PAQR5: variants seen among roughly 807,000 people sequenced by gnomAD.
PAQR5 encodes membrane progestin receptor gamma.
In PAQR5, 20 loss-of-function variants were observed where a neutral mutation model predicts 34.5. That is an observed-to-expected ratio of 0.58 (90% confidence interval 0.41 to 0.84). The LOEUF (loss-of-function observed/expected upper bound fraction) is 0.84. Ranked by LOEUF, PAQR5 falls within the 40% of genes least tolerant of loss-of-function variation. PAQR5 has a pLI of 0.00. For synonymous variants in PAQR5, 131 were observed against 155.6 expected (o/e 0.84, Z 1.18); for missense variants, 378 against 412.7 (o/e 0.92, Z 0.73).
intron 6 of PAQR5, among the ~76,000 whole-genome samples, chr15:69,394,673 CCTTAGCCCT>C (rs1408912895): frequency 6.6e-6 from 1 of 152,200 alleles, no homozygotes; most frequent in Non-Finnish European, 1.5e-5. Context: ...TATAGCAGCC[CCTTAGCCCT>C]CTGGTGCGGG....
At chr15:69,317,736 C>T (rs2053987741) in intron 1 of PAQR5, among the ~76,000 whole-genome samples, 1 of 152,152 alleles carries the variant, frequency 6.6e-6, no homozygotes, top group Non-Finnish European at 1.5e-5. Context: ...CATTGAAATG[C>T]ACCCGGGGTG....
At chr15:69,326,898 C>A (rs1054428131) in intron 1 of PAQR5, among the ~76,000 whole-genome samples, 7 of 137,994 alleles carry the variant, frequency 5.1e-5, no homozygotes, top group South Asian at 5.1e-4. Context: ...TAACTATTGT[C>A]CCTCCTTTAC....
At chr15:69,300,948 C>CTTCTTTCTTTCTTTCT (rs1204219653) in intron 1 of PAQR5, among the ~76,000 whole-genome samples, 54 of 3,632 alleles carry the variant, frequency 0.015, 7 homozygotes, top group South Asian at 0.075. Context: ...TCTTTCTTTC[C>CTTCTTTCTTTCTTTCT]TTCTTTCTTT....
chr15:69,391,721 G>C (rs1246807515), intron 6 of PAQR5: 1 of 455,616 alleles, frequency 2.2e-6, no homozygotes, highest in Non-Finnish European at 4.4e-6. Context: ...CAGGTTGAGG[G>C]GGCAGAGGAG....
In PAQR5 at chr15:69,406,539, T is replaced by C. The variant is rs1284093660; in HGVS notation, c.*2717T>C. 1 of 152,294 alleles carries C rather than the reference T, an allele frequency of 6.6e-6. No individual in the cohort carries two copies. The highest frequency in any genetic ancestry group is 2.4e-5 in the African/African-American group (1 of 41,474). 9.4% of individuals were successfully genotyped at this position (152,294 alleles called of 1,614,324 possible). ...TCTTCCCCTCTTCTCACTACTGCAC[T>C]TGACTAGTCTTAAAACAAAGAAAGA... On this transcript the variant is annotated 3_prime_UTR_variant, in exon 9 of 9. Transcript: ENST00000395407.
At position 69,337,956 on chromosome 15, in the gene PAQR5, G is replaced by A. The variant is rs188219543; in HGVS notation, c.-116+455G>A. On this transcript the variant is annotated intron_variant, in intron 2 of 8. Coordinates refer to ENST00000395407, the MANE Select transcript of PAQR5 (RefSeq NM_017705.4). ...GCCAGGTGTAGTGGTGTGCACCTGT[G>A]GTCCCAGTTACTTGGGAAGCTGAGG... Among the ~76,000 whole-genome samples, 504 of 152,068 alleles carry A rather than the reference G, an allele frequency of 3.3e-3. 4 individuals carry two copies. Among genetic ancestry groups the A allele is most frequent in the African/African-American group, 0.012 (493 of 41,484 alleles).
At chr15:69,324,445 G>A (rs1049898603) in intron 1 of PAQR5, among the ~76,000 whole-genome samples, 2 of 152,320 alleles carry the variant, frequency 1.3e-5, no homozygotes, top group East Asian at 1.9e-4. Context: ...CACCAGAGCC[G>A]TTGAAACTTT....
At chr15:69,374,694 T>C (rs1345392673) in intron 3 of PAQR5, among the ~76,000 whole-genome samples, 3 of 151,962 alleles carry the variant, frequency 2.0e-5, no homozygotes, top group Admixed American at 2.0e-4. Context: ...ATAATGATAA[T>C]TGCTGCATCA....
chr15:69,317,740 C>G (rs574591420), intron 1 of PAQR5, among the ~76,000 whole-genome samples: 1 of 152,130 alleles, frequency 6.6e-6, no homozygotes, highest in Non-Finnish European at 1.5e-5. Flanking sequence ...GAAATGCACC[C>G]GGGGTGCTAT....
chr15:69,402,133 G>T (rs1265026924), intron 8 of PAQR5, among the ~76,000 whole-genome samples: 1 of 152,134 alleles, frequency 6.6e-6, no homozygotes, highest in Non-Finnish European at 1.5e-5. Flanking sequence ...ACAGACTGTT[G>T]TGGCCTAAAC....
At position 69,404,365 on chromosome 15, in the gene PAQR5, T is replaced by G; in HGVS notation, c.*543T>G. On this transcript the variant is annotated 3_prime_UTR_variant, in exon 9 of 9. Transcript: ENST00000395407. Reference sequence around the variant, plus strand: ...GAGAGCTGTCTGGGGAGAGCCCTTCTTCCCTTCTCCACCTAGTGAAGGGAG... The same window carrying G: ...GAGAGCTGTCTGGGGAGAGCCCTTCGTCCCTTCTCCACCTAGTGAAGGGAG... 6.5e-6 allele frequency: 1 copy of G among 153,258 alleles called. No homozygotes were observed. Among genetic ancestry groups the G allele is most frequent in the Non-Finnish European group, 1.5e-5 (1 of 68,746 alleles). 9.5% of individuals were successfully genotyped at this position (153,258 alleles called of 1,614,324 possible).
intron 1 of PAQR5, among the ~76,000 whole-genome samples, chr15:69,315,610 C>T (rs996392075): frequency 1.3e-5 from 2 of 152,212 alleles, no homozygotes; most frequent in Admixed American, 1.3e-4. Flanking sequence ...ATGCAAGGAC[C>T]TATCTCCAAG....
At chr15:69,367,742 G>C (rs1042572754) in intron 3 of PAQR5, among the ~76,000 whole-genome samples, 1 of 152,218 alleles carries the variant, frequency 6.6e-6, no homozygotes, top group African/African-American at 2.4e-5. Flanking sequence ...GAAAGTTTAT[G>C]GGGGAGTATT....
intron 4 of PAQR5, among the ~76,000 whole-genome samples, chr15:69,383,411 G>A (rs12591701): frequency 0.76 from 84,793 of 112,284 alleles, 33,284 homozygotes; most frequent in South Asian, 0.9. Flanking sequence ...TCATCGTGGA[G>A]GGTGAGTGGG....
intron 4 of PAQR5, among the ~76,000 whole-genome samples, chr15:69,382,312 G>C (rs1199810616): frequency 2.6e-5 from 4 of 152,056 alleles, no homozygotes; most frequent in Admixed American, 2.6e-4. Context: ...TTAATGTGAA[G>C]TTCAAGGAGG....
At chr15:69,395,410 A>T (rs1225967158) in intron 6 of PAQR5, among the ~76,000 whole-genome samples, 1 of 152,142 alleles carries the variant, frequency 6.6e-6, no homozygotes, top group Non-Finnish European at 1.5e-5. Context: ...CCCAGAACCT[A>T]TTTGTTCCCT....
intron 1 of PAQR5, among the ~76,000 whole-genome samples, chr15:69,334,185 G>A (rs1454154861): frequency 2.0e-5 from 3 of 151,952 alleles, no homozygotes; most frequent in Non-Finnish European, 4.4e-5. Context: ...CCGCCACCAC[G>A]CCGGGCTAAT....
chr15:69,348,765 C>T (rs192471188), intron 2 of PAQR5, among the ~76,000 whole-genome samples: 3 of 149,608 alleles, frequency 2.0e-5, no homozygotes, highest in African/African-American at 5.1e-5. Flanking sequence ...ATCTGATACC[C>T]AAGATGGCTA....
intron 5 of PAQR5, among the ~76,000 whole-genome samples, chr15:69,386,159 A>T (rs551096320): frequency 6.6e-5 from 10 of 151,188 alleles, no homozygotes; most frequent in African/African-American, 2.4e-4. Context: ...CCACATACAC[A>T]CTCACATGCT....
Sources: gnomAD v4.1 joint callset for allele counts (sites outside exome capture counted in the v4.1 genomes callset) on GRCh38, gnomAD v4.1.1 for gene constraint, MANE v1.5 for transcripts, NCBI Gene and HGNC (gene_info 2026-07-23, HGNC 2026-07-21) for gene names.